The following CENPF variants were observed in gnomAD, a reference collection of about 807,000 sequenced individuals.
The protein encoded by CENPF is centromere protein F, also known as AH antigen.
In CENPF, 214 loss-of-function variants were observed where a neutral mutation model predicts 307.3. That is an observed-to-expected ratio of 0.70 (90% CI 0.62 to 0.78). The LOEUF (loss-of-function observed/expected upper bound fraction) is 0.78, where lower values mean the gene tolerates loss of function less well. CENPF is among the 30% of genes least tolerant of loss of function. The probability of loss-of-function intolerance (pLI) is 0.00; values close to 1 mark genes in which losing one functional copy is unlikely to be tolerated. For missense variants in CENPF, 3,401 were observed against 3,483.9 expected (o/e 0.98, Z 0.60); for synonymous variants, 1,259 against 1,270.6 (o/e 0.99, Z 0.19).
At chr1:214,651,656 C>G in intron 14 of CENPF, 54 bp from the exon 15 acceptor site, 3 of 1,337,512 alleles carry the variant, frequency 2.2e-6, no homozygotes, top group Non-Finnish European at 1.0e-6. Context: ...AAAATATTTC[C>G]AGGTTCTTAA....
rs149744119 is a variant in CENPF at position 214,634,231 on chromosome 1, G to C, written c.1446+1629G>C. Among the ~76,000 whole-genome samples the C allele has an allele frequency of 7.3e-3, 1,109 of 152,298 alleles. 17 individuals are homozygous for C. Among genetic ancestry groups the C allele is most frequent in the African/African-American group, 0.025 (1,037 of 41,552 alleles). On this transcript the variant is annotated intron_variant, in intron 10 of 19. Transcript: ENST00000366955. ...GAAAGTGTCTAGCACCGGGCCTGGG[G>C]ATGAAGTTAATATTTGTCTTAATTT...
rs368250246 is a variant in CENPF, at chr1:214,645,492, C to T, written c.5922C>T (p.Thr1974=). ...RGELDTMSKK[T]TALDQLSEKM... Reference sequence around the variant, plus strand: ...AATTAGATACTATGTCAAAAAAAACCACGGCACTGGATCAGTTGTCTGAAA... The same window carrying T: ...AATTAGATACTATGTCAAAAAAAACTACGGCACTGGATCAGTTGTCTGAAA... The change falls in exon 13 of 20, where the codon ACC becomes ACT. Residue 1974 remains threonine (T), a synonymous_variant. Coordinates refer to ENST00000366955, the MANE Select transcript of CENPF (RefSeq NM_016343.4). 6.2e-7 allele frequency: 1 copy of T among 1,613,738 alleles called. No individual in the cohort carries two copies. Among genetic ancestry groups the T allele is most frequent in the Non-Finnish European group, 8.5e-7 (1 of 1,179,936 alleles).
chr1:214,662,212 G>C (rs950008774), intron 19 of CENPF, among the ~76,000 whole-genome samples: 4 of 151,418 alleles, frequency 2.6e-5, no homozygotes, highest in Non-Finnish European at 5.9e-5. Flanking sequence ...CATCTGGTGG[G>C]TTCCAGGGAA....
rs143507247 is a variant in CENPF, at chr1:214,604,602, T to G, written c.-42+1281T>G. ...ATCATCTTTCTAAATTGCTCCTTTT[T>G]ATATTCTGTTGGCTATAGCATCTTG... is the stretch of plus-strand genomic sequence containing the variant. On this transcript the variant is annotated intron_variant, in intron 1 of 19. Coordinates refer to ENST00000366955, the MANE Select transcript of CENPF (RefSeq NM_016343.4). Among the ~76,000 whole-genome samples the G allele has an allele frequency of 4.7e-3, 718 of 152,322 alleles. 4 individuals carry two copies. Among genetic ancestry groups the G allele is most frequent in the Middle Eastern group, 0.01 (3 of 294 alleles).
rs1327874948 is a variant in CENPF, at chr1:214,663,983, T to A, written c.*189T>A. On this transcript the variant is annotated 3_prime_UTR_variant, in exon 20 of 20. Coordinates refer to ENST00000366955, the MANE Select transcript of CENPF (RefSeq NM_016343.4). ...TATTGAAAAAGTTTGGAAGCACTGATCACCTGTTAGCATTGCCATTCCTCT... is the reference window on the plus strand; with the variant it reads ...TATTGAAAAAGTTTGGAAGCACTGAACACCTGTTAGCATTGCCATTCCTCT... The A allele has an allele frequency of 5.2e-6, 3 of 576,596 alleles. No individual in the cohort carries two copies. The highest frequency in any genetic ancestry group is 9.2e-6 in the Non-Finnish European group (3 of 327,166). The allele number at this position is 576,596 out of a possible 1,614,324, so 35.7% of individuals were successfully genotyped here.
At chr1:214,629,261 A>G in intron 8 of CENPF, 90 bp downstream of exon 8, 1 of 1,275,664 alleles carries the variant, frequency 7.8e-7, no homozygotes, top group Non-Finnish European at 1.1e-6. Context: ...AGTTGTTATC[A>G]CAATTTGGGA....
At chr1:214,643,433 A>G in intron 12 of CENPF, 109 bp downstream of exon 12, 1 of 1,032,716 alleles carries the variant, frequency 9.7e-7, no homozygotes, top group Non-Finnish European at 1.3e-6. Context: ...AAATATTTTT[A>G]GGGTTCAAGG....
At position 214,640,755 on chromosome 1, in the gene CENPF, G is replaced by A. The variant is rs759148562; in HGVS notation, c.2417G>A (p.Ser806Asn). ...GCAAATATAATTGGAGAACAAGGAA[G>A]CATGCCTTCAGAGAGGAGTGAATGT... ...SFANIIGEQG[S>N]MPSERSECRL... Residue 806 changes from serine to asparagine, a missense_variant, in exon 12 of 20, where the codon AGC (serine) becomes AAC (asparagine). By Grantham distance (46) the Ser-to-Asn change is conservative. Transcript: ENST00000366955. 6.2e-7 allele frequency: 1 copy of A among 1,614,110 alleles called. No individual in the cohort carries two copies. Among genetic ancestry groups the A allele is most frequent in the South Asian group, 1.1e-5 (1 of 91,058 alleles).
chr1:214,616,629 C>T lies in CENPF; in HGVS notation c.359+1601C>T, dbSNP rs532661868. ...TTAAATATTAATTTTACTTATTTCT[C>T]GGTGCTTTTTAAATACTAGTGGAAC... On this transcript the variant is annotated intron_variant, in intron 3 of 19. Transcript: ENST00000366955. Among the ~76,000 whole-genome samples, 11 of 152,018 alleles carry T rather than the reference C, an allele frequency of 7.2e-5. No homozygotes were observed. In the East Asian group the frequency reaches 7.7e-4, roughly 11 times the overall value.
intron 14 of CENPF, among the ~76,000 whole-genome samples, chr1:214,649,347 T>C (rs925847400): frequency 6.6e-6 from 1 of 152,180 alleles, no homozygotes; most frequent in Non-Finnish European, 1.5e-5. Context: ...CCTCCCTTTT[T>C]CCTGAGTCTC....
chr1:214,637,676 C>G (rs534447949), intron 10 of CENPF, among the ~76,000 whole-genome samples, 190 bp from the exon 11 acceptor site: 13 of 152,134 alleles, frequency 8.5e-5, no homozygotes, highest in Non-Finnish European at 1.9e-4. Context: ...GGGTTTGATG[C>G]TGTTGTCTTC....
chr1:214,625,789 C>T (rs554418695), intron 7 of CENPF, among the ~76,000 whole-genome samples: 1 of 152,114 alleles, frequency 6.6e-6, no homozygotes, highest in Admixed American at 6.6e-5. Context: ...CATTTTATCA[C>T]AGTCTGTTGG....
At position 214,618,693 on chromosome 1, in the gene CENPF, T is replaced by A. The variant is rs747935698; in HGVS notation, c.480T>A (p.Ser160Arg). 6.2e-7 allele frequency: 1 copy of A among 1,611,050 alleles called. No individual in the cohort carries two copies. Among genetic ancestry groups the A allele is most frequent in the Admixed American group, 1.7e-5 (1 of 59,300 alleles). Reference sequence around the variant, plus strand: ...CACTAACACCAAGTCAATATTATAGTGGTAATGCATTTTCTTCCTTGGTAT... The same window carrying A: ...CACTAACACCAAGTCAATATTATAGAGGTAATGCATTTTCTTCCTTGGTAT... ...TTPLTPSQYY[S>R]GSKYEDLKEK... The change falls in exon 4 of 20, where the codon AGT becomes AGA. Residue 160 changes from serine (S) to arginine (R), a missense_variant and splice_region_variant. By Grantham distance (110) the Ser-to-Arg change is moderately radical. Coordinates refer to ENST00000366955, the MANE Select transcript of CENPF (RefSeq NM_016343.4).
At position 214,646,951 on chromosome 1, in the gene CENPF, C is replaced by G; in HGVS notation, c.7381C>G (p.Gln2461Glu). 1 of 1,613,984 alleles carries G rather than the reference C, an allele frequency of 6.2e-7. No individual in the cohort carries two copies. Among genetic ancestry groups the G allele is most frequent in the Non-Finnish European group, 8.5e-7 (1 of 1,179,972 alleles). The change falls in exon 13 of 20, where the codon CAA (glutamine) becomes GAA (glutamate). Residue 2461 changes from glutamine to glutamate, a missense_variant. By Grantham distance (29) the Gln-to-Glu change is conservative (BLOSUM62 2). Transcript: ENST00000366955. The stretch of plus-strand genomic sequence containing the variant: ...GAGAGTGGCAGCCCTGCATAATGAC[C>G]AAGAAGCCTGTAAGGCCAAAGAGCA... ...NERVAALHND[Q>E]EACKAKEQNL...
rs542912375 is a variant in CENPF at position 214,651,877 on chromosome 1, A to C, written c.8151A>C (p.Thr2717=). The change falls in exon 15 of 20, where the codon ACA becomes ACC. Residue 2717 remains threonine (T), a synonymous_variant. Coordinates refer to ENST00000366955, the MANE Select transcript of CENPF (RefSeq NM_016343.4). Reference sequence around the variant, plus strand: ...AACACCAGGCTTTGCTTTTGGACACAAACAAACAGGTGAAATGTGGGGTTT... The same window carrying C: ...AACACCAGGCTTTGCTTTTGGACACCAACAAACAGGTGAAATGTGGGGTTT... ...EKKHQALLLD[T]NKQYEVEIQT... 6.9e-6 allele frequency: 11 copies of C among 1,605,116 alleles called. No homozygotes were observed. In the East Asian group the frequency reaches 2.5e-4, roughly 36 times the overall value.
chr1:214,610,894 C>T (rs1228523786), intron 1 of CENPF, among the ~76,000 whole-genome samples: 2 of 152,184 alleles, frequency 1.3e-5, no homozygotes, highest in Non-Finnish European at 2.9e-5. Flanking sequence ...TTTCATTCTT[C>T]TGCATATGGC....
In CENPF at chr1:214,656,944, G is replaced by C; in HGVS notation, c.8497G>C (p.Asp2833His). Residue 2833 changes from aspartate to histidine, a missense_variant, in exon 18 of 20, where the codon GAT (aspartate) becomes CAT (histidine). Transcript: ENST00000366955. ...QEKQKTGTVM[D>H]TKVDELTTEI... The stretch of plus-strand genomic sequence containing the variant: ...TTTACTTTGGACAGGTACTGTTATG[G>C]ATACCAAGGTCGATGAATTAACAAC... The C allele has an allele frequency of 6.2e-7, 1 of 1,604,828 alleles. No individual in the cohort carries two copies. The highest frequency in any genetic ancestry group is 1.3e-5 in the African/African-American group (1 of 74,554).
chr1:214,657,040 T>C lies in CENPF; in HGVS notation c.8593T>C (p.Cys2865Arg). Residue 2865 changes from cysteine (C) to arginine (R), a missense_variant, in exon 18 of 20, where the codon TGT becomes CGT. Transcript: ENST00000366955. The part of the protein sequence containing the change: ...KEADEYLDKY[C>R]SLLISHEKLE... ...GGCAGATGAATACTTGGATAAGTAC[T>C]GTTCCTTGCTTATAAGCCATGAAAA... 1 of 1,614,130 alleles carries C rather than the reference T, an allele frequency of 6.2e-7. No individual in the cohort carries two copies. The highest frequency in any genetic ancestry group is 1.3e-5 in the African/African-American group (1 of 75,048).
chr1:214,613,758 A>G lies in CENPF; in HGVS notation c.4A>G (p.Ser2Gly). Residue 2 changes from serine (S) to glycine (G), a missense_variant, in exon 2 of 20, where the codon AGC (serine) becomes GGC (glycine). Transcript: ENST00000366955. ...GTAATAAAGAAGGCAGAACAAAATG[A>G]GCTGGGCTTTGGAAGAATGGAAAGA... M[S>G]WALEEWKEGL... 1.2e-6 allele frequency: 2 copies of G among 1,600,926 alleles called. No homozygotes were observed. Among genetic ancestry groups the G allele is most frequent in the Non-Finnish European group, 1.7e-6 (2 of 1,175,472 alleles).
Sources: allele counts gnomAD v4.1 joint callset (sites outside exome capture counted in the v4.1 genomes callset), GRCh38; gene constraint gnomAD v4.1.1; transcripts MANE v1.5; gene names NCBI Gene and HGNC (gene_info 2026-07-23, HGNC 2026-07-21).